CDH13: variants seen among roughly 807,000 people sequenced by gnomAD.
CDH13 encodes cadherin 13, also known as cadherin-13.
In CDH13, 24 loss-of-function variants were observed where a neutral mutation model predicts 63.8. The ratio of observed to expected loss-of-function variants is 0.38; its 90% CI spans 0.27 to 0.53. The LOEUF (loss-of-function observed/expected upper bound fraction) is 0.53, where lower values mean the gene tolerates loss of function less well. Among genes scored for constraint, CDH13 ranks in the 20% least tolerant of loss-of-function variants. The probability of loss-of-function intolerance (pLI) is 0.85; values close to 1 mark genes in which losing one functional copy is unlikely to be tolerated. For missense variants in CDH13, 1,049 were observed against 903.1 expected, an observed-to-expected ratio of 1.16 and a Z score of -2.07; for synonymous variants, 503 against 355.3, an observed-to-expected ratio of 1.42 and a Z score of -4.67.
intron 1 of CDH13, chr16:82,825,041 G>C (rs568445962): frequency 6.6e-6 from 1 of 152,158 alleles, no homozygotes; most frequent in Non-Finnish European, 1.5e-5. Context: ...TGTGTGCTCA[G>C]GTGAGCTAAT....
intron 8 of CDH13, among the ~76,000 whole-genome samples, chr16:83,656,771 G>A (rs1037902865): frequency 6.6e-6 from 1 of 152,168 alleles, no homozygotes; most frequent in African/African-American, 2.4e-5. Flanking sequence ...CAATTTTAGG[G>A]CACAAACACA....
At chr16:83,260,781 T>G (rs1370931624) in intron 5 of CDH13, among the ~76,000 whole-genome samples, 1 of 152,202 alleles carries the variant, frequency 6.6e-6, no homozygotes, top group Non-Finnish European at 1.5e-5. Flanking sequence ...ATTTAGAGAC[T>G]GATTATGTCA....
At chr16:82,965,586 C>A (rs1907680586) in intron 2 of CDH13, among the ~76,000 whole-genome samples, 1 of 152,128 alleles carries the variant, frequency 6.6e-6, no homozygotes, top group African/African-American at 2.4e-5. Flanking sequence ...AGCTGGAGTA[C>A]AGTGGTGTGA....
chr16:83,319,407 C>G (rs868183042), intron 5 of CDH13, among the ~76,000 whole-genome samples: 1 of 152,164 alleles, frequency 6.6e-6, no homozygotes, highest in African/African-American at 2.4e-5. Flanking sequence ...AAGCCAGAGA[C>G]GGAAAGCAGC....
At chr16:83,413,458 C>T (rs1311652032) in intron 6 of CDH13, among the ~76,000 whole-genome samples, 1 of 152,190 alleles carries the variant, frequency 6.6e-6, no homozygotes, top group Middle Eastern at 3.2e-3. Context: ...GGCAACTAAT[C>T]ATCCCTTTGC....
At chr16:83,105,028 C>T (rs1278299072) in intron 3 of CDH13, among the ~76,000 whole-genome samples, 1 of 151,910 alleles carries the variant, frequency 6.6e-6, no homozygotes, top group Non-Finnish European at 1.5e-5. Flanking sequence ...CTTTTAAGTT[C>T]CGGGGTACAC....
intron 1 of CDH13, among the ~76,000 whole-genome samples, chr16:82,663,982 A>G (rs974710244): frequency 6.6e-6 from 1 of 151,862 alleles, no homozygotes; most frequent in African/African-American, 2.4e-5. Context: ...GGCTCTCAGG[A>G]CTCTTTTGGC....
At chr16:82,803,251 G>C (rs1567551198) in intron 1 of CDH13, among the ~76,000 whole-genome samples, 1 of 152,166 alleles carries the variant, frequency 6.6e-6, no homozygotes, top group African/African-American at 2.4e-5. Flanking sequence ...GACGTGGAGA[G>C]GTAAAAGACA....
intron 6 of CDH13, among the ~76,000 whole-genome samples, chr16:83,426,881 C>A (rs1180115358): frequency 7.4e-6 from 1 of 135,148 alleles, no homozygotes; most frequent in Non-Finnish European, 1.6e-5. Context: ...TGTCCTAATT[C>A]TCAGAATCTA....
intron 6 of CDH13, among the ~76,000 whole-genome samples, chr16:83,411,526 A>G (rs1029923630): frequency 9.2e-5 from 14 of 152,234 alleles, no homozygotes; most frequent in East Asian, 3.8e-4. Context: ...ATTCAAATTC[A>G]TTCATTTAAA....
intron 5 of CDH13, among the ~76,000 whole-genome samples, chr16:83,268,097 C>T (rs1206093475): frequency 3.9e-5 from 6 of 152,158 alleles, no homozygotes; most frequent in Admixed American, 6.5e-5. Context: ...CCCCTATGTG[C>T]ACCACTGACA....
chr16:82,765,740 C>G lies in CDH13; in HGVS notation c.46-92622C>G, dbSNP rs891171621. ...CTGAAGAGTATTTCACAGTCTAACT[C>G]TCTGAGTGTCATGTCTTCCTGTGGC... On this transcript the variant is annotated intron_variant, in intron 1 of 13. Coordinates refer to ENST00000567109, the MANE Select transcript of CDH13 (RefSeq NM_001257.5). 2.6e-5 allele frequency among the ~76,000 whole-genome samples: 4 copies of G among 152,266 alleles called. No homozygotes were observed. In the Middle Eastern group the frequency reaches 0.01, roughly 388 times the overall value.
At chr16:83,294,860 C>T (rs2089552503) in intron 5 of CDH13, among the ~76,000 whole-genome samples, 2 of 152,058 alleles carry the variant, frequency 1.3e-5, no homozygotes, top group South Asian at 2.1e-4. Flanking sequence ...TGACATTATT[C>T]ACAGAACTAG....
intron 1 of CDH13, among the ~76,000 whole-genome samples, chr16:82,716,486 C>T (rs536730430): frequency 2.0e-5 from 3 of 151,110 alleles, no homozygotes; most frequent in African/African-American, 7.3e-5. Context: ...CAGAAGGGAG[C>T]CACAAAAAAT....
chr16:82,993,541 C>T (rs1291311429), intron 2 of CDH13, among the ~76,000 whole-genome samples: 1 of 152,166 alleles, frequency 6.6e-6, no homozygotes, highest in Non-Finnish European at 1.5e-5. Context: ...TGTGAAGTAG[C>T]ATTGGGCCAT....
intron 2 of CDH13, among the ~76,000 whole-genome samples, chr16:82,983,470 C>G (rs1910546887): frequency 6.6e-6 from 1 of 152,188 alleles, no homozygotes; most frequent in Non-Finnish European, 1.5e-5. Context: ...GTGAAGCCCA[C>G]TTCCTTTGAG....
At chr16:82,881,500 G>A (rs542624550) in intron 2 of CDH13, among the ~76,000 whole-genome samples, 1 of 152,264 alleles carries the variant, frequency 6.6e-6, no homozygotes, top group Admixed American at 6.5e-5. Context: ...TCTGTTTTTG[G>A]ATGTGGGCTG....
chr16:83,449,700 T>C (rs1488874349), intron 6 of CDH13, among the ~76,000 whole-genome samples: 1 of 152,196 alleles, frequency 6.6e-6, no homozygotes, highest in African/African-American at 2.4e-5. Flanking sequence ...GGCCAAATGA[T>C]GGTTTCAAGT....
intron 2 of CDH13, among the ~76,000 whole-genome samples, chr16:82,974,623 G>T (rs994583784): frequency 1.3e-5 from 2 of 152,120 alleles, no homozygotes; most frequent in African/African-American, 4.8e-5. Flanking sequence ...GATCATGTTG[G>T]ACGATGTAAG....
Sources: allele counts gnomAD v4.1 joint callset (sites outside exome capture counted in the v4.1 genomes callset), GRCh38; gene constraint gnomAD v4.1.1; transcripts MANE v1.5; gene names NCBI Gene and HGNC (gene_info 2026-07-23, HGNC 2026-07-21).